Variants in ARHGAP12 observed in about 807,000 individuals in gnomAD.
The protein encoded by ARHGAP12 is Rho GTPase activating protein 12.
In ARHGAP12, 64 loss-of-function variants were observed where a neutral mutation model predicts 108.6. The ratio of observed to expected loss-of-function variants is 0.59; its 90% CI spans 0.48 to 0.73. ARHGAP12 has a LOEUF of 0.73. Ranked by LOEUF, ARHGAP12 falls within the 30% of genes least tolerant of loss-of-function variation. The probability of loss-of-function intolerance (pLI) is 0.00; values close to 1 mark genes in which losing one functional copy is unlikely to be tolerated. For missense variants in ARHGAP12, 940 were observed against 1,005.9 expected, an observed-to-expected ratio of 0.93 and a Z score of 0.89; for synonymous variants, 312 against 337.2, an observed-to-expected ratio of 0.93 and a Z score of 0.82.
chr10:31,845,132 G>T (rs1270799080), intron 6 of ARHGAP12, among the ~76,000 whole-genome samples: 1 of 152,090 alleles, frequency 6.6e-6, no homozygotes. Context: ...TGCTACTGCT[G>T]CTAATGTAAA....
intron 3 of ARHGAP12, among the ~76,000 whole-genome samples, chr10:31,891,173 TA>T (rs939553982): frequency 8.5e-5 from 13 of 152,220 alleles, no homozygotes; most frequent in African/African-American, 2.7e-4. Context: ...TTGTTCTATA[TA>T]AAAATTTTCC....
chr10:31,831,083 GTAATAT>G (rs1342084971), intron 10 of ARHGAP12, among the ~76,000 whole-genome samples: 1 of 152,178 alleles, frequency 6.6e-6, no homozygotes, highest in Non-Finnish European at 1.5e-5. Flanking sequence ...GATGCTAAAT[GTAATAT>G]TACATGTACT....
intron 3 of ARHGAP12, among the ~76,000 whole-genome samples, chr10:31,876,817 G>A (rs574437989): frequency 3.6e-4 from 55 of 152,272 alleles, no homozygotes; most frequent in African/African-American, 1.2e-3. Context: ...AGTTAAAACC[G>A]CAGTTTGTTT....
intron 13 of ARHGAP12, among the ~76,000 whole-genome samples, chr10:31,816,955 A>G (rs999787345): frequency 6.6e-6 from 1 of 152,208 alleles, no homozygotes; most frequent in African/African-American, 2.4e-5. Flanking sequence ...TTTATTTCCT[A>G]TCAGTAGTAT....
chr10:31,928,475 A>AG (rs200149718), intron 1 of ARHGAP12, among the ~76,000 whole-genome samples: 1 of 148,762 alleles, frequency 6.7e-6, no homozygotes, highest in African/African-American at 2.5e-5. Context: ...CTCGGCGCCT[A>AG]ACCCCCGCGC....
chr10:31,919,317 A>G (rs554064285), intron 1 of ARHGAP12, among the ~76,000 whole-genome samples: 1 of 152,360 alleles, frequency 6.6e-6, no homozygotes, highest in South Asian at 2.1e-4. Flanking sequence ...TGGCTGGACA[A>G]CAAAGTTAAT....
At chr10:31,808,605 C>G in intron 19 of ARHGAP12, 44 bp downstream of exon 19, 1 of 1,565,912 alleles carries the variant, frequency 6.4e-7, no homozygotes, top group South Asian at 1.1e-5. Flanking sequence ...CTTCCCGCTT[C>G]CCCTTGTGCT....
rs181085615 is a variant in ARHGAP12 at position 31,926,719 on chromosome 10, T to C, written c.-111+1964A>G. Among the ~76,000 whole-genome samples the C allele has an allele frequency of 5.2e-3, 786 of 152,346 alleles. 6 individuals are homozygous for C. Among genetic ancestry groups the C allele is most frequent in the South Asian group, 0.035 (168 of 4,828 alleles). ...GTACTTAAAAATTTGTAAAGTTCAC[T>C]TTCTATCAGCCTACTAAAAAACCAC... is the stretch of plus-strand genomic sequence containing the variant. On this transcript the variant is annotated intron_variant, in intron 1 of 19. Coordinates refer to ENST00000344936, the MANE Select transcript of ARHGAP12 (RefSeq NM_018287.7).
chr10:31,815,142 AAAG>A (rs1835158512), intron 13 of ARHGAP12, among the ~76,000 whole-genome samples: 1 of 151,390 alleles, frequency 6.6e-6, no homozygotes, highest in African/African-American at 2.4e-5. Flanking sequence ...AAAAAGAAAG[AAAG>A]AAAAAAAAGA....
intron 4 of ARHGAP12, 105 bp from the exon 5 acceptor site, chr10:31,854,311 CTT>C: frequency 1.1e-6 from 1 of 944,572 alleles, no homozygotes; most frequent in South Asian, 2.0e-5. Context: ...ATGAAGATAT[CTT>C]AAATATATCT....
intron 3 of ARHGAP12, among the ~76,000 whole-genome samples, chr10:31,902,639 C>T (rs528050265): frequency 1.3e-5 from 2 of 151,704 alleles, no homozygotes; most frequent in Admixed American, 1.3e-4. Flanking sequence ...CCACTGCACT[C>T]CAGCCTAGGT....
intron 3 of ARHGAP12, among the ~76,000 whole-genome samples, chr10:31,884,045 A>G (rs189868492): frequency 1.1e-3 from 170 of 151,810 alleles, no homozygotes; most frequent in African/African-American, 3.9e-3. Flanking sequence ...AAAAGTTCCA[A>G]TAAGTGAATA....
At chr10:31,928,271 GCACACACGCGCGCACTCTCCCGCACT>G (rs967716595) in intron 1 of ARHGAP12, among the ~76,000 whole-genome samples, 1 of 142,864 alleles carries the variant, frequency 7.0e-6, no homozygotes, top group African/African-American at 2.5e-5. Flanking sequence ...CCCGCCTTGT[GCACACACGCGCGCACTCTCCCGCACT>G]CACACACACA....
At chr10:31,911,446 C>T (rs1369661919) in intron 1 of ARHGAP12, among the ~76,000 whole-genome samples, 2 of 152,212 alleles carry the variant, frequency 1.3e-5, no homozygotes, top group East Asian at 1.9e-4. Context: ...TCCCGAGTAG[C>T]GGGAACTGCA....
chr10:31,852,664 G>A (rs1836732325), intron 5 of ARHGAP12, 67 bp from the exon 6 acceptor site: 2 of 918,660 alleles, frequency 2.2e-6, no homozygotes, highest in Non-Finnish European at 3.5e-6. Flanking sequence ...ACTACTATCA[G>A]AGATACTAGA....
chr10:31,910,236 G>A (rs1241257467), intron 2 of ARHGAP12, among the ~76,000 whole-genome samples: 1 of 152,130 alleles, frequency 6.6e-6, no homozygotes, highest in Non-Finnish European at 1.5e-5. Flanking sequence ...AATGCTCAAG[G>A]ATCCTAAGGC....
At chr10:31,823,973 A>G (rs1032066174) in intron 11 of ARHGAP12, among the ~76,000 whole-genome samples, 6 of 152,176 alleles carry the variant, frequency 3.9e-5, no homozygotes, top group African/African-American at 1.4e-4. Context: ...GAATTCTTTA[A>G]CATTCCTTTC....
intron 3 of ARHGAP12, among the ~76,000 whole-genome samples, chr10:31,871,942 T>G (rs1486340615): frequency 6.6e-6 from 1 of 152,192 alleles, no homozygotes. Flanking sequence ...CTCTCCAGTC[T>G]CCTTTTCTTT....
At chr10:31,816,037 G>T (rs113574134) in intron 13 of ARHGAP12, among the ~76,000 whole-genome samples, 1 of 151,964 alleles carries the variant, frequency 6.6e-6, no homozygotes, top group Non-Finnish European at 1.5e-5. Flanking sequence ...TGTTATCCCA[G>T]CTACTTGGGA....
Sources: gnomAD v4.1 joint callset for allele counts (sites outside exome capture counted in the v4.1 genomes callset) on GRCh38, gnomAD v4.1.1 for gene constraint, MANE v1.5 for transcripts, NCBI Gene and HGNC (gene_info 2026-07-23, HGNC 2026-07-21) for gene names.